OCA2: variants seen among roughly 807,000 people sequenced by gnomAD.
OCA2 encodes the protein P protein.
In OCA2, 77 loss-of-function variants were observed where a neutral mutation model predicts 100.2. The observed-to-expected ratio is 0.77, with a 90% CI of 0.64 to 0.93. The LOEUF (loss-of-function observed/expected upper bound fraction) is 0.93, where lower values mean the gene tolerates loss of function less well. OCA2 is among the 40% of genes least tolerant of loss of function. The pLI is 0.00. For missense variants in OCA2, 1,062 were observed against 1,089.1 expected, an observed-to-expected ratio of 0.98 and a Z score of 0.35; for synonymous variants, 432 against 439.2, an observed-to-expected ratio of 0.98 and a Z score of 0.21.
chr15:27,874,762 G>A (rs112564509), intron 19 of OCA2, among the ~76,000 whole-genome samples: 2,740 of 152,168 alleles, frequency 0.018, 82 homozygotes, highest in African/African-American at 0.062. Context: ...AATACTAAAA[G>A]AGTGAGTATA....
chr15:27,921,745 G>C (rs2038866771), intron 19 of OCA2, among the ~76,000 whole-genome samples: 1 of 152,114 alleles, frequency 6.6e-6, no homozygotes, highest in Non-Finnish European at 1.5e-5. Context: ...CTGTCATCCA[G>C]GCTGGTGTGC....
At chr15:27,876,386 G>A (rs2036792378) in intron 19 of OCA2, among the ~76,000 whole-genome samples, 1 of 151,982 alleles carries the variant, frequency 6.6e-6, no homozygotes, top group Non-Finnish European at 1.5e-5. Flanking sequence ...ATGTGAGTGG[G>A]AGATGGTGAT....
intron 23 of OCA2, among the ~76,000 whole-genome samples, chr15:27,804,293 G>A (rs1185763270): frequency 6.6e-6 from 1 of 152,184 alleles, no homozygotes; most frequent in African/African-American, 2.4e-5. Context: ...AAAAATGAAC[G>A]TTGATATTTT....
intron 19 of OCA2, chr15:27,896,058 G>A (rs2037674772): frequency 8.4e-7 from 1 of 1,196,586 alleles, no homozygotes; most frequent in Non-Finnish European, 1.2e-6. Context: ...TGAAGGCCAA[G>A]TGGAGGTGAC....
At chr15:28,008,532 C>T (rs567560091) in intron 9 of OCA2, among the ~76,000 whole-genome samples, 1 of 152,142 alleles carries the variant, frequency 6.6e-6, no homozygotes, top group East Asian at 1.9e-4. Flanking sequence ...AAAACAAATA[C>T]AAAATGTGAG....
chr15:27,743,244 C>T, the OCA2 span, among the ~76,000 whole-genome samples: 1 of 152,156 alleles, frequency 6.6e-6, no homozygotes, highest in Non-Finnish European at 1.5e-5. Context: ...CTGAATGGCA[C>T]GCATCCCAGT....
intron 9 of OCA2, among the ~76,000 whole-genome samples, chr15:27,994,174 G>T (rs1468424886): frequency 6.6e-6 from 1 of 152,192 alleles, no homozygotes; most frequent in African/African-American, 2.4e-5. Flanking sequence ...CCTGGGCTCT[G>T]CCTCCTGTCA....
chr15:28,018,921 A>G (rs1053114529), intron 6 of OCA2, among the ~76,000 whole-genome samples: 1 of 152,168 alleles, frequency 6.6e-6, no homozygotes, highest in African/African-American at 2.4e-5. Context: ...CTCTCGTCCT[A>G]TCACACCTTT....
intron 18 of OCA2, among the ~76,000 whole-genome samples, chr15:27,947,655 C>T (rs997935234): frequency 2.6e-5 from 4 of 152,202 alleles, no homozygotes; most frequent in Non-Finnish European, 2.9e-5. Context: ...TCTGGCATCC[C>T]ACGGGAAGGA....
intron 9 of OCA2, 32 bp from the exon 10 acceptor site, chr15:27,990,679 C>T: frequency 1.2e-6 from 2 of 1,601,030 alleles, no homozygotes; most frequent in South Asian, 2.2e-5. Flanking sequence ...TACCGCGTTC[C>T]AGTGCACGAG....
rs2038538889 is a variant in OCA2, at chr15:27,913,892, A to AAAGAAAGAAAGC, written c.2079+12234_2079+12235insGCTTTCTTTCTT. 2.0e-3 allele frequency among the ~76,000 whole-genome samples: 76 copies of AAAGAAAGAAAGC among 37,402 alleles called. 2 individuals are homozygous for AAAGAAAGAAAGC. Among genetic ancestry groups the AAAGAAAGAAAGC allele is most frequent in the African/African-American group, 2.7e-3 (19 of 7,002 alleles). 24.5% of individuals were successfully genotyped at this position (37,402 alleles called of 152,430 possible). ...GAAAGAAAGAAAGAAAGAAAGAAAG[A>AAAGAAAGAAAGC]AAGCAAGCAAGCAAGCAAGCAAGCA... On this transcript the variant is annotated intron_variant, in intron 19 of 23. Coordinates refer to ENST00000354638, the MANE Select transcript of OCA2 (RefSeq NM_000275.3).
At chr15:27,868,240 G>A (rs554782002) in intron 21 of OCA2, among the ~76,000 whole-genome samples, 17 of 152,234 alleles carry the variant, frequency 1.1e-4, no homozygotes, top group South Asian at 4.1e-4. Context: ...TCAGGCTCTC[G>A]AAGAAGAAAT....
At chr15:27,863,229 G>C (rs1415191064) in intron 21 of OCA2, among the ~76,000 whole-genome samples, 1 of 152,172 alleles carries the variant, frequency 6.6e-6, no homozygotes, top group African/African-American at 2.4e-5. Context: ...TGCTGCAGTC[G>C]GCTCCTGGCT....
In OCA2 at chr15:28,024,873, C is replaced by T. The variant is rs1828151359; in HGVS notation, c.545G>A (p.Gly182Asp). The change falls in exon 5 of 24, where the codon GGC (glycine) becomes GAC (aspartate). Residue 182 changes from glycine to aspartate, a missense_variant. Gly to Asp is a moderately conservative substitution (Grantham distance 94). Coordinates refer to ENST00000354638, the MANE Select transcript of OCA2 (RefSeq NM_000275.3). ...ACACAGCACCACAAAGGCAAACAGG[C>T]CCATGACTTTCAGCCACTGCACACA... ...RRCVQWLKVM[G>D]LFAFVVLCSI... The T allele has an allele frequency of 6.2e-7, 1 of 1,614,230 alleles. No homozygotes were observed. Among genetic ancestry groups the T allele is most frequent in the African/African-American group, 1.3e-5 (1 of 75,064 alleles).
intron 23 of OCA2, among the ~76,000 whole-genome samples, chr15:27,822,002 C>T (rs1240444245): frequency 1.3e-5 from 2 of 152,222 alleles, no homozygotes; most frequent in African/African-American, 2.4e-5. Context: ...ATAAGCATAT[C>T]TGTGTTCCAA....
At chr15:28,098,877 G>A (rs1271966972) in intron 1 of OCA2, among the ~76,000 whole-genome samples, 3 of 152,226 alleles carry the variant, frequency 2.0e-5, no homozygotes, top group African/African-American at 7.2e-5. Flanking sequence ...AGGAGGCCCC[G>A]CAGTGCCAGA....
chr15:27,840,816 T>C (rs2035313021), intron 23 of OCA2, among the ~76,000 whole-genome samples: 1 of 152,096 alleles, frequency 6.6e-6, no homozygotes, highest in South Asian at 2.1e-4. Flanking sequence ...CAGTAAAACC[T>C]GGGAGAAAAA....
intron 2 of OCA2, among the ~76,000 whole-genome samples, chr15:28,053,767 T>C (rs1249955148): frequency 1.3e-5 from 2 of 152,214 alleles, no homozygotes; most frequent in Non-Finnish European, 2.9e-5. Context: ...CTGGGCACTT[T>C]GTCTCACGAT....
At chr15:27,803,336 C>T (rs943798405) in intron 23 of OCA2, among the ~76,000 whole-genome samples, 1 of 152,120 alleles carries the variant, frequency 6.6e-6, no homozygotes, top group Non-Finnish European at 1.5e-5. Context: ...ACCCAGTATC[C>T]GTTGACAGAT....
Sources: gnomAD v4.1 joint callset for allele counts (sites outside exome capture counted in the v4.1 genomes callset) on GRCh38, gnomAD v4.1.1 for gene constraint, MANE v1.5 for transcripts, NCBI Gene and HGNC (gene_info 2026-07-23, HGNC 2026-07-21) for gene names.